Variants in CDC42SE2 observed in about 807,000 individuals in gnomAD.
The protein encoded by CDC42SE2 is CDC42 small effector 2, also known as CDC42 small effector protein 2.
A neutral mutation model predicts 11.5 loss-of-function variants in CDC42SE2; 3 were observed. The observed-to-expected ratio is 0.26, with a 90% CI of 0.12 to 0.67. CDC42SE2 has a LOEUF of 0.67. Among genes scored for constraint, CDC42SE2 ranks in the 30% least tolerant of loss-of-function variants. The pLI, the probability that CDC42SE2 is intolerant of heterozygous loss-of-function variation, is 0.80. For missense variants in CDC42SE2, 82 were observed against 106.8 expected (o/e 0.77, Z 1.02); for synonymous variants, 33 against 34.8 (o/e 0.95, Z 0.18).
At chr5:131,293,222 GT>G (rs1327091811) in intron 1 of CDC42SE2, among the ~76,000 whole-genome samples, 1 of 152,118 alleles carries the variant, frequency 6.6e-6, no homozygotes, top group Non-Finnish European at 1.5e-5. Context: ...ACCCCAGAGA[GT>G]TAGCTCTACC....
At position 131,353,900 on chromosome 5, in the gene CDC42SE2, A is replaced by G. The variant is rs1749452805; in HGVS notation, c.-285-5309A>G. 2.0e-5 allele frequency among the ~76,000 whole-genome samples: 3 copies of G among 151,888 alleles called. No individual in the cohort carries two copies. The South Asian group carries it at 6.2e-4, about 32-fold the overall frequency. On this transcript the variant is annotated intron_variant, in intron 2 of 4. Transcript: ENST00000505065. ...GCACTCTGGCCTCGGTGACAGAGCAAAACTCTGTCTAAAAAAAAAAAAAAT... is the reference window on the plus strand; with the variant it reads ...GCACTCTGGCCTCGGTGACAGAGCAGAACTCTGTCTAAAAAAAAAAAAAAT...
the CDC42SE2 span, among the ~76,000 whole-genome samples, chr5:131,219,247 A>G: frequency 2.0e-5 from 3 of 152,214 alleles, no homozygotes; most frequent in Non-Finnish European, 4.4e-5. Flanking sequence ...TGACTTCAAC[A>G]TATTACATAG....
chr5:131,212,958 A>G, the CDC42SE2 span, among the ~76,000 whole-genome samples: 1 of 152,220 alleles, frequency 6.6e-6, no homozygotes, highest in Non-Finnish European at 1.5e-5. Flanking sequence ...TGGAAGGCCA[A>G]GGTGGGTGGA....
At chr5:131,283,929 C>T (rs1447414148) in intron 1 of CDC42SE2, among the ~76,000 whole-genome samples, 1 of 152,180 alleles carries the variant, frequency 6.6e-6, no homozygotes, top group Admixed American at 6.5e-5. Flanking sequence ...TATGAACATT[C>T]ATGTACAAGT....
the CDC42SE2 span, among the ~76,000 whole-genome samples, chr5:131,216,501 C>CAAAAAAAAAA: frequency 5.2e-4 from 22 of 42,156 alleles, no homozygotes; most frequent in African/African-American, 1.9e-3. Flanking sequence ...GAACCTGTCT[C>CAAAAAAAAAA]AAAAAAAAAA....
upstream of CDC42SE2, among the ~76,000 whole-genome samples, chr5:131,243,370 G>A (rs1756555304): frequency 6.6e-6 from 1 of 152,188 alleles, no homozygotes; most frequent in African/African-American, 2.4e-5. Context: ...ACGAGGTCAG[G>A]AGCTCGAGAC....
At chr5:131,218,170 G>A in the CDC42SE2 span, among the ~76,000 whole-genome samples, 6 of 103,440 alleles carry the variant, frequency 5.8e-5, no homozygotes, top group East Asian at 7.8e-4. Flanking sequence ...GGAAGACCCT[G>A]TCTCAAAAAA....
At chr5:131,223,438 G>T in the CDC42SE2 span, among the ~76,000 whole-genome samples, 1 of 152,112 alleles carries the variant, frequency 6.6e-6, no homozygotes, top group Non-Finnish European at 1.5e-5. Context: ...AAACACTGTT[G>T]CTTTCTTGTG....
At chr5:131,311,580 C>T (rs1757914925) in intron 1 of CDC42SE2, among the ~76,000 whole-genome samples, 1 of 152,112 alleles carries the variant, frequency 6.6e-6, no homozygotes, top group Non-Finnish European at 1.5e-5. Context: ...TCAGGTATAC[C>T]AATCAGACGT....
At chr5:131,356,262 G>T (rs1349318036) in intron 2 of CDC42SE2, among the ~76,000 whole-genome samples, 1 of 152,140 alleles carries the variant, frequency 6.6e-6, no homozygotes, top group African/African-American at 2.4e-5. Context: ...AAAAAGTATA[G>T]GTTTTTAAAA....
chr5:131,267,419 G>C (rs1756893187), intron 1 of CDC42SE2, among the ~76,000 whole-genome samples: 2 of 151,968 alleles, frequency 1.3e-5, no homozygotes, highest in Admixed American at 1.3e-4. Context: ...CTTCCTTGGA[G>C]TAGTTCATAA....
At chr5:131,285,755 A>G (rs775101838) in intron 1 of CDC42SE2, among the ~76,000 whole-genome samples, 1 of 152,210 alleles carries the variant, frequency 6.6e-6, no homozygotes, top group African/African-American at 2.4e-5. Context: ...ATTCAAGAAC[A>G]TAAGCCCATA....
chr5:131,294,766 C>T (rs1322532034), intron 1 of CDC42SE2, among the ~76,000 whole-genome samples: 1 of 151,938 alleles, frequency 6.6e-6, no homozygotes, highest in African/African-American at 2.4e-5. Flanking sequence ...CTGAGGCGGG[C>T]AGATCACTTG....
At position 131,246,741 on chromosome 5, in the gene CDC42SE2, C is replaced by T. The variant is rs1176817597; in HGVS notation, n.107+1142C>T. On this transcript the variant is annotated intron_variant and non_coding_transcript_variant, in intron 1 of 3. Transcript: ENST00000502840. ...GGATCTCTTTTCTTATCTTCCATAC[C>T]TATATTTTTCACTCAAATCCTTTTT... is the stretch of plus-strand genomic sequence containing the variant. Among the ~76,000 whole-genome samples the T allele has an allele frequency of 1.2e-4, 17 of 146,418 alleles. No individual in the cohort carries two copies. In the Admixed American group the frequency reaches 1.2e-3, roughly 10 times the overall value.
chr5:131,232,699 A>G, the CDC42SE2 span, among the ~76,000 whole-genome samples: 1 of 141,228 alleles, frequency 7.1e-6, no homozygotes, highest in Non-Finnish European at 1.5e-5. Context: ...ATGCCACTGC[A>G]CTCCAGCCTG....
rs183789139 is a variant in CDC42SE2 at position 131,326,788 on chromosome 5, A to T, written c.-286+10644A>T. 7.3e-3 allele frequency among the ~76,000 whole-genome samples: 1,108 copies of T among 151,710 alleles called. 15 individuals carry two copies. Among genetic ancestry groups the T allele is most frequent in the African/African-American group, 0.026 (1,062 of 41,350 alleles). On this transcript the variant is annotated intron_variant, in intron 2 of 4. Transcript: ENST00000505065. ...GTTATATTTATTTTTTATTATGTTT[A>T]TTTTTTTAGGGAGACAGAATCTGCC...
chr5:131,233,396 T>G, the CDC42SE2 span, among the ~76,000 whole-genome samples: 49,541 of 152,072 alleles, frequency 0.33, 11,498 homozygotes, highest in African/African-American at 0.66. Flanking sequence ...TTGGGACAGA[T>G]TCTCACTGTC....
At chr5:131,278,946 G>T (rs567833900) in intron 1 of CDC42SE2, among the ~76,000 whole-genome samples, 11 of 149,130 alleles carry the variant, frequency 7.4e-5, no homozygotes, top group African/African-American at 2.7e-4. Flanking sequence ...CACCACGCCC[G>T]ACTAATTTTT....
At chr5:131,382,371 A>G (rs980366320) in intron 3 of CDC42SE2, among the ~76,000 whole-genome samples, 6 of 152,164 alleles carry the variant, frequency 3.9e-5, no homozygotes, top group Non-Finnish European at 8.8e-5. Context: ...TGAGCACACT[A>G]TGGTTTCTGT....
Sources: gnomAD v4.1 joint callset for allele counts (sites outside exome capture counted in the v4.1 genomes callset) on GRCh38, gnomAD v4.1.1 for gene constraint, MANE v1.5 for transcripts, NCBI Gene and HGNC (gene_info 2026-07-23, HGNC 2026-07-21) for gene names.